Variants in DRC11 observed in about 807,000 individuals in gnomAD.
DRC11 encodes the protein IQ and AAA domain-containing protein 1.
chr2:236,406,361 T>A, the DRC11 span, among the ~76,000 whole-genome samples: 2 of 152,200 alleles, frequency 1.3e-5, no homozygotes, highest in Non-Finnish European at 2.9e-5. This position sits in a 1 kb window ranked among gnomAD's most constrained non-coding sequence, Gnocchi z 4.7. Context: ...TTGGTAAATA[T>A]GTGCATCTGA....
chr2:236,398,872 C>T, the DRC11 span, among the ~76,000 whole-genome samples: 1 of 152,162 alleles, frequency 6.6e-6, no homozygotes, highest in South Asian at 2.1e-4. This position sits in a 1 kb window ranked among gnomAD's most constrained non-coding sequence, Gnocchi z 6.2. Flanking sequence ...CTGCCACTAG[C>T]ATGAAAACAT....
the DRC11 span, among the ~76,000 whole-genome samples, chr2:236,429,577 G>A: frequency 4.5e-4 from 68 of 152,266 alleles, no homozygotes; most frequent in South Asian, 1.5e-3. The surrounding 1 kb of genome is among the most constrained non-coding windows in gnomAD (Gnocchi z 5.9). Flanking sequence ...GGAGTCTGTG[G>A]TAGGGGGCTC....
the DRC11 span, among the ~76,000 whole-genome samples, chr2:236,506,278 A>T: frequency 2.6e-5 from 4 of 152,130 alleles, no homozygotes; most frequent in East Asian, 7.7e-4. The surrounding 1 kb of genome is among the most constrained non-coding windows in gnomAD (Gnocchi z 4.9). Flanking sequence ...TATTCATTCT[A>T]TGTCTCACAA....
At chr2:236,482,010 T>C in the DRC11 span, among the ~76,000 whole-genome samples, 6 of 148,548 alleles carry the variant, frequency 4.0e-5, no homozygotes, top group Admixed American at 6.7e-5. This position sits in a 1 kb window ranked among gnomAD's most constrained non-coding sequence, Gnocchi z 4.5. Flanking sequence ...ATTCTAGGTA[T>C]AATTCTACAT....
the DRC11 span, among the ~76,000 whole-genome samples, chr2:236,389,210 G>A: frequency 6.6e-6 from 1 of 152,212 alleles, no homozygotes; most frequent in African/African-American, 2.4e-5. Context: ...CTTCCCGGCT[G>A]CTTTGTTTAC....
At chr2:236,481,899 G>T in the DRC11 span, among the ~76,000 whole-genome samples, 290 of 145,132 alleles carry the variant, frequency 2.0e-3, 1 homozygote, top group African/African-American at 6.4e-3. Flanking sequence ...ATTATATGTA[G>T]AATTCTATGT....
chr2:236,358,180 C>T, the DRC11 span, among the ~76,000 whole-genome samples: 1 of 116,442 alleles, frequency 8.6e-6, no homozygotes, highest in Admixed American at 9.6e-5. Context: ...AATATATATA[C>T]TCTATGAATA....
At chr2:236,338,218 A>G in the DRC11 span, 1 of 1,613,764 alleles carries the variant, frequency 6.2e-7, no homozygotes, top group Non-Finnish European at 8.5e-7. Flanking sequence ...ATCTGGAAGC[A>G]TAGTCTGGTC....
At chr2:236,460,717 T>G in the DRC11 span, among the ~76,000 whole-genome samples, 1 of 152,176 alleles carries the variant, frequency 6.6e-6, no homozygotes. The surrounding 1 kb of genome is among the most constrained non-coding windows in gnomAD (Gnocchi z 4.0). Context: ...TAGTGTATCC[T>G]TCCTGAAATT....
chr2:236,494,246 G>A, the DRC11 span, among the ~76,000 whole-genome samples: 3 of 152,274 alleles, frequency 2.0e-5, no homozygotes, highest in South Asian at 6.2e-4. The surrounding 1 kb of genome is among the most constrained non-coding windows in gnomAD (Gnocchi z 4.2). Context: ...AAAGTATTAA[G>A]CTGTAGAGAT....
At chr2:236,348,988 G>A in the DRC11 span, among the ~76,000 whole-genome samples, 3 of 152,070 alleles carry the variant, frequency 2.0e-5, no homozygotes, top group Admixed American at 6.6e-5. This position sits in a 1 kb window ranked among gnomAD's most constrained non-coding sequence, Gnocchi z 7.4. Context: ...AGCCTCAGAA[G>A]GCCACCTTCC....
At chr2:236,491,519 T>C in the DRC11 span, among the ~76,000 whole-genome samples, 47 of 151,918 alleles carry the variant, frequency 3.1e-4, no homozygotes, top group Non-Finnish European at 6.0e-4. Context: ...GCAGGACAAA[T>C]GGCAAAGAGG....
the DRC11 span, chr2:236,391,032 T>A: frequency 2.0e-5 from 3 of 152,250 alleles, no homozygotes; most frequent in Non-Finnish European, 4.4e-5. This position sits in a 1 kb window ranked among gnomAD's most constrained non-coding sequence, Gnocchi z 4.5. Context: ...TCTTTTTTTT[T>A]ATGATTCTGT....
the DRC11 span, among the ~76,000 whole-genome samples, chr2:236,466,538 T>A: frequency 7.8e-3 from 1,185 of 152,230 alleles, 46 homozygotes; most frequent in East Asian, 0.12. Flanking sequence ...GGTGCCAGCA[T>A]CTGCTTGGCT....
At chr2:236,443,643 C>T in the DRC11 span, among the ~76,000 whole-genome samples, 1 of 152,144 alleles carries the variant, frequency 6.6e-6, no homozygotes, top group Non-Finnish European at 1.5e-5. This position sits in a 1 kb window ranked among gnomAD's most constrained non-coding sequence, Gnocchi z 4.4. Flanking sequence ...TGAGTTGATT[C>T]CATGTCTTTG....
chr2:236,369,351 G>A, the DRC11 span, among the ~76,000 whole-genome samples: 3 of 152,298 alleles, frequency 2.0e-5, no homozygotes, highest in African/African-American at 7.2e-5. This position sits in a 1 kb window ranked among gnomAD's most constrained non-coding sequence, Gnocchi z 4.5. Context: ...TGAACAAAAC[G>A]TCCTTGGCAA....
the DRC11 span, among the ~76,000 whole-genome samples, chr2:236,433,719 T>C: frequency 6.6e-6 from 1 of 152,204 alleles, no homozygotes; most frequent in Non-Finnish European, 1.5e-5. Flanking sequence ...AGGTGATCAT[T>C]TGCCTCTTCT....
chr2:236,460,337 G>C, the DRC11 span, among the ~76,000 whole-genome samples: 1,015 of 152,252 alleles, frequency 6.7e-3, 15 homozygotes, highest in African/African-American at 0.022. This position sits in a 1 kb window ranked among gnomAD's most constrained non-coding sequence, Gnocchi z 4.0. Flanking sequence ...GTCCATAAAC[G>C]CTGGGACAAC....
chr2:236,478,191 A>T, the DRC11 span, among the ~76,000 whole-genome samples: 1 of 152,056 alleles, frequency 6.6e-6, no homozygotes, highest in Non-Finnish European at 1.5e-5. The surrounding 1 kb of genome is among the most constrained non-coding windows in gnomAD (Gnocchi z 5.9). Context: ...TTTGCTATAA[A>T]CATTTCCCTT....
Sources: allele counts gnomAD v4.1 joint callset (sites outside exome capture counted in the v4.1 genomes callset), GRCh38; gene constraint gnomAD v4.1.1; non-coding constraint Gnocchi (gnomAD v3.1); transcripts MANE v1.5; gene names NCBI Gene and HGNC (gene_info 2026-07-23, HGNC 2026-07-21).